TASOR: variants seen among roughly 807,000 people sequenced by gnomAD.
TASOR encodes protein TASOR.
A neutral mutation model predicts 178.6 loss-of-function variants in TASOR; 53 were observed. That is an observed-to-expected ratio of 0.30 (90% CI 0.24 to 0.37). The LOEUF is 0.37. Among genes scored for constraint, TASOR ranks in the 10% least tolerant of loss-of-function variants. The pLI is 1.00. For missense variants in TASOR, 1,815 were observed against 1,971.4 expected, an observed-to-expected ratio of 0.92 and a Z score of 1.50; for synonymous variants, 713 against 696.2, an observed-to-expected ratio of 1.02 and a Z score of -0.38.
chr3:56,631,677 G>A (rs542433355), intron 18 of TASOR, among the ~76,000 whole-genome samples: 8 of 148,766 alleles, frequency 5.4e-5, no homozygotes, highest in East Asian at 4.0e-4. Flanking sequence ...TCCGCCTCCC[G>A]GATTCACCCC....
intron 2 of TASOR, 78 bp downstream of exon 2, chr3:56,673,502 T>C (rs1009100459): frequency 3.6e-5 from 43 of 1,192,850 alleles, no homozygotes; most frequent in Non-Finnish European, 4.5e-5. Context: ...AATTTTAGTA[T>C]TTCTAGAGAA....
At chr3:56,682,532 G>A (rs1578318846) in intron 1 of TASOR, 144 bp downstream of exon 1, 2 of 711,062 alleles carry the variant, frequency 2.8e-6, no homozygotes, top group Non-Finnish European at 4.2e-6. Flanking sequence ...GCAGCTGGGC[G>A]GCCGTGGCGG....
intron 2 of TASOR, among the ~76,000 whole-genome samples, chr3:56,672,974 C>A (rs989453464): frequency 6.6e-6 from 1 of 152,146 alleles, no homozygotes; most frequent in Non-Finnish European, 1.5e-5. Flanking sequence ...GCATGTGCCA[C>A]CACGCCTAGC....
At chr3:56,623,952 A>T (rs1434071295) in intron 23 of TASOR, 1 of 818,750 alleles carries the variant, frequency 1.2e-6, no homozygotes, top group African/African-American at 1.8e-5. Context: ...TAAATGAATG[A>T]TCATTTCTGC....
intron 14 of TASOR, among the ~76,000 whole-genome samples, chr3:56,642,314 T>C (rs2077141139): frequency 6.6e-6 from 1 of 152,212 alleles, no homozygotes. Context: ...CCACGAAATT[T>C]GCATCAAGAA....
intron 7 of TASOR, chr3:56,663,808 G>GT: frequency 9.9e-7 from 1 of 1,009,032 alleles, no homozygotes; most frequent in Non-Finnish European, 1.2e-6. Flanking sequence ...TAAGGGAGTT[G>GT]TTTTTTCCAA....
intron 11 of TASOR, among the ~76,000 whole-genome samples, chr3:56,651,268 T>TA (rs11326574): frequency 0.03 from 4,400 of 144,570 alleles, 105 homozygotes; most frequent in African/African-American, 0.065. Flanking sequence ...TGGTTATTCT[T>TA]AAAAAAAAAA....
At position 56,628,573 on chromosome 3, in the gene TASOR, T is replaced by A. The variant is rs373712764; in HGVS notation, c.3789A>T (p.Glu1263Asp). 19 of 1,592,818 alleles carry A rather than the reference T, an allele frequency of 1.2e-5. No homozygotes were observed. Among genetic ancestry groups the A allele is most frequent in the Admixed American group, 1.7e-5 (1 of 59,384 alleles). The change falls in exon 19 of 24, where the codon GAA becomes GAT. Residue 1263 changes from glutamate to aspartate, a missense_variant. Physicochemically the swap from Glu to Asp is conservative, Grantham distance 45 (BLOSUM62 2). Around this residue, in one of 5 missense-constraint regions of TASOR, gnomAD observed 655 missense variants for 671.1 expected, o/e 0.98. Transcript: ENST00000683822. Reference sequence around the variant, plus strand: ...ATTTTGATCTTCTTTCCAAAAACTGTTCAGGATGACATTCTGTATTGCCTA... The same window carrying A: ...ATTTTGATCTTCTTTCCAAAAACTGATCAGGATGACATTCTGTATTGCCTA... ...IKLGNTECHPEQFLERRSKLD... is the reference protein window; with the variant it reads ...IKLGNTECHPDQFLERRSKLD...
chr3:56,654,504 G>C (rs2077428306), intron 11 of TASOR, among the ~76,000 whole-genome samples: 1 of 152,056 alleles, frequency 6.6e-6, no homozygotes. Flanking sequence ...AATACCATGT[G>C]TGATGGTTAA....
At chr3:56,671,574 G>GT (rs1404133290) in intron 3 of TASOR, 26 bp downstream of exon 3, 3 of 1,488,484 alleles carry the variant, frequency 2.0e-6, no homozygotes, top group Admixed American at 4.3e-5. Flanking sequence ...TCCCCAAATT[G>GT]TTTTTTATAA....
chr3:56,681,248 T>A (rs2031760235), intron 1 of TASOR, among the ~76,000 whole-genome samples: 1 of 152,208 alleles, frequency 6.6e-6, no homozygotes, highest in African/African-American at 2.4e-5. Flanking sequence ...ACCTATTCTC[T>A]ACCAATTGAT....
chr3:56,641,537 T>C lies in TASOR; in HGVS notation c.2431A>G (p.Lys811Glu), dbSNP rs149954739. 222 of 1,614,178 alleles carry C rather than the reference T, an allele frequency of 1.4e-4. No individual in the cohort carries two copies. The African/African-American group carries it at 1.8e-3, about 13-fold the overall frequency. Residue 811 changes from lysine to glutamate, a missense_variant, in exon 15 of 24, where the codon AAA becomes GAA. Lys to Glu is a moderately conservative substitution (Grantham distance 56). Around this residue, in one of 5 missense-constraint regions of TASOR, gnomAD observed 655 missense variants for 671.1 expected, o/e 0.98. Coordinates refer to ENST00000683822, the MANE Select transcript of TASOR (RefSeq NM_001365635.2). ...GTAGAGTTCAACTCATACTCATGTT[T>C]TTGCCTCAGCTCTTCATAGGCATCA... ...TDDAYEELRQ[K>E]HEYELNSTPD...
At chr3:56,664,626 T>C (rs920324375) in intron 7 of TASOR, among the ~76,000 whole-genome samples, 1 of 152,250 alleles carries the variant, frequency 6.6e-6, no homozygotes, top group Non-Finnish European at 1.5e-5. Context: ...TATATGGTTT[T>C]AGAACAGCAG....
At position 56,642,717 on chromosome 3, in the gene TASOR, A is replaced by G. The variant is rs555191883; in HGVS notation, c.2216-965T>C. ...TGGCCAGGCACGGTGGCTCATGCCT[A>G]TAATCCCAGCACTTTGGCAGGCTGA... is the stretch of plus-strand genomic sequence containing the variant. On this transcript the variant is annotated intron_variant, in intron 14 of 23. Transcript: ENST00000683822. Among the ~76,000 whole-genome samples, 577 of 152,246 alleles carry G rather than the reference A, an allele frequency of 3.8e-3. 4 individuals are homozygous for G. The highest frequency in any genetic ancestry group is 0.013 in the African/African-American group (552 of 41,544).
chr3:56,678,667 T>C (rs1289721105), intron 1 of TASOR, among the ~76,000 whole-genome samples: 3 of 152,180 alleles, frequency 2.0e-5, no homozygotes, highest in African/African-American at 7.2e-5. Flanking sequence ...TTATCATATA[T>C]ACATAAATTT....
In TASOR at chr3:56,633,888, C is replaced by G; in HGVS notation, c.2903G>C (p.Arg968Thr). The G allele has an allele frequency of 6.3e-7, 1 of 1,596,384 alleles. No homozygotes were observed. Among genetic ancestry groups the G allele is most frequent in the Non-Finnish European group, 8.5e-7 (1 of 1,170,762 alleles). The change falls in exon 18 of 24, where the codon AGA (arginine) becomes ACA (threonine). Residue 968 changes from arginine (R) to threonine (T), a missense_variant. Around this residue, in one of 5 missense-constraint regions of TASOR, gnomAD observed 655 missense variants for 671.1 expected, o/e 0.98. Transcript: ENST00000683822. ...AAACTGGTAATCAGAACTTCTCTGT[C>G]TATTTATTACCCGGGGGTCGTTAGG... ...AFPNDPRVIN[R>T]QRSSDYQFPS...
At chr3:56,638,812 T>TACAC (rs1156468082) in intron 16 of TASOR, 47 bp from the exon 17 acceptor site, 11 of 1,532,590 alleles carry the variant, frequency 7.2e-6, no homozygotes, top group Non-Finnish European at 9.9e-6. Context: ...TAGTGATACC[T>TACAC]ACACTAAGCA....
chr3:56,672,334 C>T (rs1380809593), intron 2 of TASOR, among the ~76,000 whole-genome samples: 1 of 152,160 alleles, frequency 6.6e-6, no homozygotes, highest in East Asian at 1.9e-4. Context: ...ATGAAATTAA[C>T]AAATAATCGC....
chr3:56,640,332 G>T (rs748958921), intron 15 of TASOR, among the ~76,000 whole-genome samples: 3 of 152,138 alleles, frequency 2.0e-5, no homozygotes, highest in Non-Finnish European at 4.4e-5. Context: ...TTAGAACAGG[G>T]ATTGGTAAAC....
Sources: allele counts gnomAD v4.1 joint callset (sites outside exome capture counted in the v4.1 genomes callset), GRCh38; gene constraint gnomAD v4.1.1; regional missense constraint gnomAD v4.1.1; transcripts MANE v1.5; gene names NCBI Gene and HGNC (gene_info 2026-07-23, HGNC 2026-07-21).